Variants in GPR157 observed in about 807,000 individuals in gnomAD.
GPR157 encodes the protein G-protein coupled receptor 157.
In GPR157, 16 loss-of-function variants were observed where a neutral mutation model predicts 23.5. That is an observed-to-expected ratio of 0.68 (90% CI 0.46 to 1.04). The LOEUF (loss-of-function observed/expected upper bound fraction) is 1.04, where lower values mean the gene tolerates loss of function less well. GPR157 is among the 50% of genes least tolerant of loss of function. The pLI is 0.00. For synonymous variants in GPR157, 200 were observed against 221.5 expected (o/e 0.90, Z 0.86); for missense variants, 440 against 460.7 (o/e 0.96, Z 0.41).
At chr1:9,114,148 G>A (rs1569960680) in intron 1 of GPR157, among the ~76,000 whole-genome samples, 1 of 151,992 alleles carries the variant, frequency 6.6e-6, no homozygotes, top group Non-Finnish European at 1.5e-5. Flanking sequence ...GGCCAACATG[G>A]TGAAACTCCG....
chr1:9,111,355 G>A lies in GPR157; in HGVS notation c.518C>T (p.Thr173Met), dbSNP rs201239209. 3.6e-5 allele frequency: 58 copies of A among 1,614,212 alleles called. No individual in the cohort carries two copies. The South Asian group carries it at 4.6e-4, about 13-fold the overall frequency. ...AKDHVLWMLL[T>M]GKLWEMLAYV... Reference sequence around the variant, plus strand: ...TGCCAGCATCTCCCACAGCTTCCCCGTCAGCAGCATCCACAGGACATGGTC... The same window carrying A: ...TGCCAGCATCTCCCACAGCTTCCCCATCAGCAGCATCCACAGGACATGGTC... The change falls in exon 2 of 4, where the codon ACG (threonine) becomes ATG (methionine). Residue 173 changes from threonine to methionine, a missense_variant. Transcript: ENST00000377411.
chr1:9,114,856 G>A (rs1015069172), intron 1 of GPR157, among the ~76,000 whole-genome samples: 21 of 149,532 alleles, frequency 1.4e-4, no homozygotes, highest in Non-Finnish European at 1.5e-5. Context: ...GAGAGGCAGA[G>A]GTTGCAGTGA....
At chr1:9,123,517 T>C (rs377556948) in intron 1 of GPR157, among the ~76,000 whole-genome samples, 8 of 38,714 alleles carry the variant, frequency 2.1e-4, no homozygotes, top group Admixed American at 4.4e-4. Flanking sequence ...AAATATATAT[T>C]TAATTTAAAT....
Position 9,111,538 on chromosome 1 carries a change from G to A in GPR157, c.384-49C>T, listed in dbSNP as rs972292185. The A allele has an allele frequency of 8.7e-6, 13 of 1,499,912 alleles. No homozygotes were observed. In the African/African-American group the frequency reaches 1.5e-4, roughly 17 times the overall value. 92.9% of individuals were successfully genotyped at this position (1,499,912 alleles called of 1,614,324 possible). ...GCATCGGGGTCAGGCCATGGCTCCCGGCAATGTCAGCCTTCGCAAAAATGA... is the reference window on the plus strand; with the variant it reads ...GCATCGGGGTCAGGCCATGGCTCCCAGCAATGTCAGCCTTCGCAAAAATGA... On this transcript the variant is annotated intron_variant, in intron 1 of 3. Coordinates refer to ENST00000377411, the MANE Select transcript of GPR157 (RefSeq NM_024980.5).
In GPR157 at chr1:9,111,807, C is replaced by T. The variant is rs543194921; in HGVS notation, c.384-318G>A. Reference sequence around the variant, plus strand: ...CAACATGGTGAAACCCTGTCTCTACCAGAAATACAAAAATTAGCTGGGCGT... The same window carrying T: ...CAACATGGTGAAACCCTGTCTCTACTAGAAATACAAAAATTAGCTGGGCGT... On this transcript the variant is annotated intron_variant, in intron 1 of 3. Transcript: ENST00000377411. 1.6e-4 allele frequency among the ~76,000 whole-genome samples: 25 copies of T among 152,032 alleles called. No homozygotes were observed. The South Asian group carries it at 2.7e-3, about 16-fold the overall frequency.
intron 2 of GPR157, among the ~76,000 whole-genome samples, chr1:9,110,965 C>G (rs887597736): frequency 3.3e-5 from 5 of 152,202 alleles, no homozygotes; most frequent in African/African-American, 1.2e-4. Context: ...TGACCAAGGA[C>G]ACAGCAGCCC....
chr1:9,111,592 T>G, intron 1 of GPR157, 103 bp from the exon 2 acceptor site: 2 of 872,334 alleles, frequency 2.3e-6, no homozygotes, highest in South Asian at 3.1e-5. Flanking sequence ...AAGGGGATGC[T>G]CTCCAGAGCC....
At chr1:9,110,970 C>A (rs185814915) in intron 2 of GPR157, among the ~76,000 whole-genome samples, 1 of 152,200 alleles carries the variant, frequency 6.6e-6, no homozygotes, top group African/African-American at 2.4e-5. Context: ...AAGGACACAG[C>A]AGCCCTGTCT....
chr1:9,123,163 G>GAA (rs1553175750), intron 1 of GPR157, among the ~76,000 whole-genome samples: 1,201 of 87,492 alleles, frequency 0.014, 15 homozygotes, highest in Non-Finnish European at 0.016. Flanking sequence ...TCTTGGGTGG[G>GAA]AAAAAAAAAA....
rs1422639043 is a variant in GPR157, at chr1:9,105,448, G to A, written c.792+38C>T. ...AAGGAATCAGGCTGTGCCTCCTCTG[G>A]GGGCAGGGACGACAAGGGCCAGGGA... On this transcript the variant is annotated intron_variant, in intron 3 of 3. Transcript: ENST00000377411. The surrounding 1 kb of genome is among the most constrained non-coding windows in gnomAD (Gnocchi z 4.8). The A allele has an allele frequency of 6.7e-7, 1 of 1,500,926 alleles. No individual in the cohort carries two copies. Among genetic ancestry groups the A allele is most frequent in the Middle Eastern group, 2.1e-4 (1 of 4,758 alleles). 93.0% of individuals were successfully genotyped at this position (1,500,926 alleles called of 1,614,324 possible). A position where few individuals can be genotyped will look rare whatever the true frequency, so the allele number is the denominator to read the frequency against.
chr1:9,119,181 C>T (rs1638750044), intron 1 of GPR157, among the ~76,000 whole-genome samples: 1 of 152,064 alleles, frequency 6.6e-6, no homozygotes, highest in Non-Finnish European at 1.5e-5. Flanking sequence ...CACAGGCATC[C>T]ACCATTACAC....
chr1:9,127,503 G>T (rs1408033623), intron 1 of GPR157, among the ~76,000 whole-genome samples: 1 of 152,218 alleles, frequency 6.6e-6, no homozygotes, highest in Non-Finnish European at 1.5e-5. Context: ...TGCCGGGAAG[G>T]CAAGGCAAGG....
rs1188365441 is a variant in GPR157 at position 9,111,426 on chromosome 1, G to A, written c.447C>T (p.Ala149=). The A allele has an allele frequency of 1.2e-6, 2 of 1,614,186 alleles. No individual in the cohort carries two copies. The highest frequency in any genetic ancestry group is 1.7e-6 in the Non-Finnish European group (2 of 1,180,042). The part of the protein sequence containing the change: ...AVALKKIGYD[A]SDVSVGWCWI... ...AGCACCAGCCCACAGACACGTCCGA[G>A]GCGTCATAGCCAATCTTCTTCAGGG... Residue 149 remains alanine (A), a synonymous_variant, in exon 2 of 4, where the codon GCC becomes GCT. Coordinates refer to ENST00000377411, the MANE Select transcript of GPR157 (RefSeq NM_024980.5).
chr1:9,106,327 C>T (rs938388779), intron 2 of GPR157, among the ~76,000 whole-genome samples: 8 of 151,972 alleles, frequency 5.3e-5, no homozygotes, highest in African/African-American at 1.2e-4. Context: ...CCCCCTCCTG[C>T]TCCCCCCTAC....
intron 1 of GPR157, among the ~76,000 whole-genome samples, chr1:9,123,596 T>C (rs1348042448): frequency 9.0e-6 from 1 of 110,536 alleles, no homozygotes; most frequent in Non-Finnish European, 1.7e-5. Flanking sequence ...AATATTAATG[T>C]ATATTTAATA....
In GPR157 at chr1:9,102,477, G is replaced by A. The variant is rs1161234749; in HGVS notation, c.*1942C>T. On this transcript the variant is annotated 3_prime_UTR_variant, in exon 4 of 4. Transcript: ENST00000377411. ...CATTTTCACAGGAAACCAAAAATGA[G>A]CATTTTGGACTCAGTCTGCTAAATG... 6.6e-6 allele frequency: 1 copy of A among 151,072 alleles called. No individual in the cohort carries two copies. The highest frequency in any genetic ancestry group is 1.9e-4 in the East Asian group (1 of 5,164). 9.4% of individuals were successfully genotyped at this position (151,072 alleles called of 1,614,324 possible). A position where few individuals can be genotyped will look rare whatever the true frequency, so the allele number is the denominator to read the frequency against.
rs553975499 is a variant in GPR157, at chr1:9,106,119, T to G, written c.598-439A>C. Among the ~76,000 whole-genome samples the G allele has an allele frequency of 2.1e-4, 32 of 152,284 alleles. No homozygotes were observed. The South Asian group carries it at 2.7e-3, about 13-fold the overall frequency. On this transcript the variant is annotated intron_variant, in intron 2 of 3. Coordinates refer to ENST00000377411, the MANE Select transcript of GPR157 (RefSeq NM_024980.5). ...TCTCCCTATGTTGCCCAGGCTGATC[T>G]CAAACTCTTGAACTCAAGCAATCCT...
At position 9,102,651 on chromosome 1, in the gene GPR157, T is replaced by C. The variant is rs1642580561; in HGVS notation, c.*1768A>G. 2 of 152,100 alleles carry C rather than the reference T, an allele frequency of 1.3e-5. No individual in the cohort carries two copies. The highest frequency in any genetic ancestry group is 4.8e-5 in the African/African-American group (2 of 41,408). The allele number at this position is 152,100 out of a possible 1,614,324, so 9.4% of individuals were successfully genotyped here. On this transcript the variant is annotated 3_prime_UTR_variant, in exon 4 of 4. Transcript: ENST00000377411. ...CTGATGGATTCCAAGGGAAATCACC[T>C]ATCAGGTAAAGCTGTACTTTCTCTC...
Position 9,128,719 on chromosome 1 carries a change from G to A in GPR157, c.309C>T (p.Tyr103=). Residue 103 remains tyrosine, a synonymous_variant, in exon 1 of 4, where the codon TAC becomes TAT. Transcript: ENST00000377411. This position sits in a 1 kb window ranked among gnomAD's most constrained non-coding sequence, Gnocchi z 6.3. The part of the protein sequence containing the change: ...SFFWTVAIAL[Y]LYLSIVRAAR... Reference sequence around the variant, plus strand: ...CGGCGCGGACGATGCTGAGGTACAAGTAGAGCGCAATGGCCACGGTCCAGA... The same window carrying A: ...CGGCGCGGACGATGCTGAGGTACAAATAGAGCGCAATGGCCACGGTCCAGA... 6.2e-7 allele frequency: 1 copy of A among 1,613,324 alleles called. No individual in the cohort carries two copies. The highest frequency in any genetic ancestry group is 8.5e-7 in the Non-Finnish European group (1 of 1,179,922).
Sources: gnomAD v4.1 joint callset for allele counts (sites outside exome capture counted in the v4.1 genomes callset) on GRCh38, gnomAD v4.1.1 for gene constraint, Gnocchi (gnomAD v3.1) non-coding constraint, MANE v1.5 for transcripts, NCBI Gene and HGNC (gene_info 2026-07-23, HGNC 2026-07-21) for gene names.